The following ARHGAP32 variants were observed in gnomAD, a reference collection of about 807,000 sequenced individuals.
ARHGAP32 encodes Rho GTPase activating protein 32, also known as rho GTPase-activating protein 32.
Under a neutral mutation model 186.5 loss-of-function variants are expected in ARHGAP32, and 51 were observed. The observed-to-expected ratio is 0.27, with a 90% CI of 0.22 to 0.35. The LOEUF (loss-of-function observed/expected upper bound fraction) is 0.35, where lower values mean the gene tolerates loss of function less well. Among genes scored for constraint, ARHGAP32 ranks in the 10% least tolerant of loss-of-function variants. ARHGAP32 has a pLI of 1.00. For missense variants in ARHGAP32, 2,186 were observed against 2,623.5 expected, an observed-to-expected ratio of 0.83 and a Z score of 3.64; for synonymous variants, 950 against 964.3, an observed-to-expected ratio of 0.99 and a Z score of 0.27.
At position 129,241,731 on chromosome 11, in the gene ARHGAP32, G is replaced by A. The variant is rs568786727; in HGVS notation, c.-5+37415C>T. Among the ~76,000 whole-genome samples, 5 of 152,268 alleles carry A rather than the reference G, an allele frequency of 3.3e-5. No individual in the cohort carries two copies. In the South Asian group the frequency reaches 1.0e-3, roughly 31 times the overall value. On this transcript the variant is annotated intron_variant, in intron 1 of 6. Transcript: ENST00000525234. The stretch of plus-strand genomic sequence containing the variant: ...CTATGTAACAAGTTCTCACACAGAA[G>A]CCCTTCGAAGTCACAAAACAATAAT...
In ARHGAP32 at chr11:128,968,357, C is replaced by T. The variant is rs997816451; in HGVS notation, c.*550G>A. ...ATAATGTTGCCAACTGTCTGACTGA[C>T]CTTGAAGGATCAGGGATTTTTCCAC... On this transcript the variant is annotated 3_prime_UTR_variant, in exon 23 of 23. Coordinates refer to ENST00000682385, the MANE Select transcript of ARHGAP32 (RefSeq NM_001378024.1). 6.6e-6 allele frequency: 1 copy of T among 152,046 alleles called. No homozygotes were observed. The highest frequency in any genetic ancestry group is 1.5e-5 in the Non-Finnish European group (1 of 68,010). 9.4% of individuals were successfully genotyped at this position (152,046 alleles called of 1,614,324 possible). A position where few individuals can be genotyped will look rare whatever the true frequency, so the allele number is the denominator to read the frequency against.
chr11:129,122,690 G>A (rs927817386), intron 5 of ARHGAP32, among the ~76,000 whole-genome samples: 2 of 152,032 alleles, frequency 1.3e-5, no homozygotes, highest in Non-Finnish European at 2.9e-5. Flanking sequence ...ACAAAAAGTA[G>A]CACACTGTGA....
intron 1 of ARHGAP32, among the ~76,000 whole-genome samples, chr11:129,174,414 A>G (rs1259058229): frequency 2.0e-5 from 3 of 152,184 alleles, no homozygotes; most frequent in Non-Finnish European, 2.9e-5. Flanking sequence ...AAGCAGCCAG[A>G]AAGCTCGAAC....
intron 1 of ARHGAP32, among the ~76,000 whole-genome samples, chr11:129,221,700 C>A (rs1185453082): frequency 1.3e-5 from 2 of 151,768 alleles, no homozygotes; most frequent in Non-Finnish European, 2.9e-5. Flanking sequence ...CGGAGGAGAG[C>A]CTCAACCTAA....
At chr11:128,996,960 G>A (rs771502627) in intron 12 of ARHGAP32, among the ~76,000 whole-genome samples, 10 of 151,888 alleles carry the variant, frequency 6.6e-5, no homozygotes, top group South Asian at 2.1e-4. Context: ...TGTATTTTTC[G>A]TAGAGACCAG....
intron 1 of ARHGAP32, among the ~76,000 whole-genome samples, chr11:129,174,249 C>G (rs556852526): frequency 6.6e-6 from 1 of 152,290 alleles, no homozygotes; most frequent in South Asian, 2.1e-4. Context: ...TAAAAAATGG[C>G]GCACCAGGAC....
chr11:129,244,006 A>G (rs940106149), intron 1 of ARHGAP32, among the ~76,000 whole-genome samples: 1 of 152,232 alleles, frequency 6.6e-6, no homozygotes, highest in Admixed American at 6.5e-5. Flanking sequence ...TTTATCTCCT[A>G]TTATACCTAA....
Position 128,969,775 on chromosome 11 carries a change from C to T in ARHGAP32, c.5438G>A (p.Gly1813Glu). 6.2e-7 allele frequency: 1 copy of T among 1,614,148 alleles called. No homozygotes were observed. Among genetic ancestry groups the T allele is most frequent in the Non-Finnish European group, 8.5e-7 (1 of 1,180,022 alleles). ...TGCCACTGAGAGAAGTCCAGTTTTC[C>T]CAGGATCTGATTTACTACGCAGATG... ...VIHLRSKSDP[G>E]KTGLLSVAEG... The change falls in exon 23 of 23, where the codon GGG (glycine) becomes GAG (glutamate). Residue 1813 changes from glycine (G) to glutamate (E), a missense_variant. Physicochemically the swap from Gly to Glu is moderately conservative, Grantham distance 98 (BLOSUM62 -2). Around this residue, in one of 5 missense-constraint regions of ARHGAP32, gnomAD observed 1,502 missense variants for 1,570.0 expected, o/e 0.96. Coordinates refer to ENST00000682385, the MANE Select transcript of ARHGAP32 (RefSeq NM_001378024.1). The surrounding 1 kb of genome is among the most constrained non-coding windows in gnomAD (Gnocchi z 4.8).
intron 11 of ARHGAP32, among the ~76,000 whole-genome samples, chr11:129,019,407 A>G (rs1938498419): frequency 6.6e-6 from 1 of 152,194 alleles, no homozygotes; most frequent in South Asian, 2.1e-4. Context: ...TTAACATCAC[A>G]TTCAAAATAA....
chr11:129,252,687 A>G lies in ARHGAP32; in HGVS notation c.-5+26459T>C, dbSNP rs1591720772. On this transcript the variant is annotated intron_variant, in intron 1 of 6. Transcript: ENST00000525234. The stretch of plus-strand genomic sequence containing the variant: ...CATTAAAGCAAGAATATACTGCCAT[A>G]AAGTACTACGACTGATGCCAGCATG... 2.0e-5 allele frequency among the ~76,000 whole-genome samples: 3 copies of G among 152,216 alleles called. No individual in the cohort carries two copies. In the South Asian group the frequency reaches 6.2e-4, roughly 32 times the overall value.
At chr11:129,189,925 A>G (rs951213511) in intron 1 of ARHGAP32, among the ~76,000 whole-genome samples, 1 of 152,090 alleles carries the variant, frequency 6.6e-6, no homozygotes, top group Admixed American at 6.5e-5. Context: ...GTTACACAAG[A>G]GCAGGCTTTT....
chr11:129,203,564 T>C (rs958990241), intron 1 of ARHGAP32, among the ~76,000 whole-genome samples: 1 of 151,714 alleles, frequency 6.6e-6, no homozygotes, highest in Non-Finnish European at 1.5e-5. Flanking sequence ...TAGTAAAAGA[T>C]CTTGTAAAAA....
chr11:129,062,554 A>C (rs574909577), intron 9 of ARHGAP32, among the ~76,000 whole-genome samples, 197 bp from the exon 10 acceptor site: 1 of 152,306 alleles, frequency 6.6e-6, no homozygotes, highest in South Asian at 2.1e-4. Context: ...GTCTACAAAA[A>C]GTTAAGCAGC....
At chr11:129,268,098 G>A (rs891762774) in intron 1 of ARHGAP32, among the ~76,000 whole-genome samples, 1 of 152,122 alleles carries the variant, frequency 6.6e-6, no homozygotes, top group Non-Finnish European at 1.5e-5. Context: ...AACCATAGCA[G>A]ATCTGCAATT....
At chr11:129,066,970 T>G in intron 6 of ARHGAP32, 102 bp from the exon 7 acceptor site, 1 of 996,730 alleles carries the variant, frequency 1.0e-6, no homozygotes, top group South Asian at 1.8e-5. Context: ...AGATTTTATA[T>G]TTTCTAATGA....
At chr11:129,195,663 G>A (rs150176329), upstream of ARHGAP32, among the ~76,000 whole-genome samples, 12 of 152,148 alleles carry the variant, frequency 7.9e-5, no homozygotes, top group African/African-American at 2.2e-4. Flanking sequence ...GCTGTGAGCC[G>A]AGATCACGCC....
chr11:129,227,689 G>C (rs1944804713), intron 1 of ARHGAP32, among the ~76,000 whole-genome samples: 1 of 152,040 alleles, frequency 6.6e-6, no homozygotes, highest in South Asian at 2.1e-4. Flanking sequence ...GGATACTTTA[G>C]AATGATAGAG....
intron 1 of ARHGAP32, among the ~76,000 whole-genome samples, chr11:129,260,538 C>A (rs960117069): frequency 1.3e-5 from 2 of 151,964 alleles, no homozygotes; most frequent in African/African-American, 2.4e-5. Context: ...AGAAAAAAGT[C>A]TTAAAAAATA....
chr11:129,101,138 C>G (rs1941886213), intron 5 of ARHGAP32, among the ~76,000 whole-genome samples: 1 of 152,072 alleles, frequency 6.6e-6, no homozygotes. Flanking sequence ...GAAATGAAGC[C>G]AATCAGCTGA....
Sources: gnomAD v4.1 joint callset for allele counts (sites outside exome capture counted in the v4.1 genomes callset) on GRCh38, gnomAD v4.1.1 for gene constraint, gnomAD v4.1.1 regional missense constraint, Gnocchi (gnomAD v3.1) non-coding constraint, MANE v1.5 for transcripts, NCBI Gene and HGNC (gene_info 2026-07-23, HGNC 2026-07-21) for gene names.